The following TRIM63 variants were observed in gnomAD, a reference collection of about 807,000 sequenced individuals.
TRIM63 encodes E3 ubiquitin-protein ligase TRIM63.
TRIM63 carries 48 observed loss-of-function variants against 46.0 expected under a neutral mutation model. That is an observed-to-expected ratio of 1.04 (90% CI 0.83 to 1.33). The LOEUF (loss-of-function observed/expected upper bound fraction) is 1.33. Ranked by LOEUF, TRIM63 falls within the 40% of genes most tolerant of loss-of-function variation. TRIM63 has a pLI of 0.00. For synonymous variants in TRIM63, 175 were observed against 162.8 expected, an observed-to-expected ratio of 1.08 and a Z score of -0.57; for missense variants, 455 against 441.2, an observed-to-expected ratio of 1.03 and a Z score of -0.28.
chr1:26,061,274 G>GTT lies in TRIM63; in HGVS notation c.391_392dup (p.Asn131LysfsTer41). ...GCACCTCACACGTGAGACAGTAGAT[G>GTT]TTGATTTTCTCATCTTCGTGCTCCT... On this transcript the variant is annotated frameshift_variant, in exon 3 of 9. Coordinates refer to ENST00000374272, the MANE Select transcript of TRIM63 (RefSeq NM_032588.4). LOFTEE classifies it high-confidence loss of function. 6.2e-7 allele frequency: 1 copy of GTT among 1,614,210 alleles called. No individual in the cohort carries two copies. Among genetic ancestry groups the GTT allele is most frequent in the Non-Finnish European group, 8.5e-7 (1 of 1,180,012 alleles).
rs777532437 is a variant in TRIM63, at chr1:26,057,338, G to A, written c.855-11C>T. On this transcript the variant is annotated splice_polypyrimidine_tract_variant and intron_variant, in intron 6 of 8. Coordinates refer to ENST00000374272, the MANE Select transcript of TRIM63 (RefSeq NM_032588.4). ...GAAGCTTCCACAATGCTGCAGGGGA[G>A]ACAGAAAGAGAGGCAGGATGAGGTC... 9 of 1,613,516 alleles carry A rather than the reference G, an allele frequency of 5.6e-6. No individual in the cohort carries two copies. The highest frequency in any genetic ancestry group is 1.3e-5 in the African/African-American group (1 of 74,906).
chr1:26,056,262 T>C (rs1261190228), intron 7 of TRIM63, among the ~76,000 whole-genome samples: 2 of 152,242 alleles, frequency 1.3e-5, no homozygotes, highest in Non-Finnish European at 2.9e-5. Flanking sequence ...TTTTCACCCT[T>C]ATTATTGTTA....
Position 26,067,588 on chromosome 1 carries a change from G to A in TRIM63, c.-94C>T, listed in dbSNP as rs745881632. 103 of 1,423,274 alleles carry A rather than the reference G, an allele frequency of 7.2e-5. 2 individuals carry two copies. The highest frequency in any genetic ancestry group is 5.6e-4 in the Middle Eastern group (3 of 5,380). 88.2% of individuals were successfully genotyped at this position (1,423,274 alleles called of 1,614,324 possible). A position where few individuals can be genotyped will look rare whatever the true frequency, so the allele number is the denominator to read the frequency against. Reference sequence around the variant, plus strand: ...GGTCTTGCCTTTGTCACAAAACACCGGGTCGGATCCTGTTGGCTTCCTTCT... The same window carrying A: ...GGTCTTGCCTTTGTCACAAAACACCAGGTCGGATCCTGTTGGCTTCCTTCT... On this transcript the variant is annotated 5_prime_UTR_variant, in exon 1 of 9. Transcript: ENST00000374272.
rs139836987 is a variant in TRIM63, at chr1:26,060,741, C to G, written c.502-380G>C. On this transcript the variant is annotated intron_variant, in intron 3 of 8. Coordinates refer to ENST00000374272, the MANE Select transcript of TRIM63 (RefSeq NM_032588.4). ...AGAGAGTATGGAAAGGGGGTGGCTACGGCTTACTGCACGGACAGGGTGGTG... is the reference window on the plus strand; with the variant it reads ...AGAGAGTATGGAAAGGGGGTGGCTAGGGCTTACTGCACGGACAGGGTGGTG... Among the ~76,000 whole-genome samples, 330 of 152,286 alleles carry G rather than the reference C, an allele frequency of 2.2e-3. 1 individual carries two copies. Among genetic ancestry groups the G allele is most frequent in the Non-Finnish European group, 3.9e-3 (263 of 68,016 alleles).
intron 8 of TRIM63, among the ~76,000 whole-genome samples, chr1:26,052,199 C>G (rs972110818): frequency 6.6e-6 from 1 of 152,176 alleles, no homozygotes; most frequent in African/African-American, 2.4e-5. Context: ...CATCAGACAC[C>G]GTGCTAAACG....
intron 2 of TRIM63, among the ~76,000 whole-genome samples, chr1:26,062,850 A>G (rs369796325): frequency 4.6e-5 from 7 of 151,890 alleles, no homozygotes; most frequent in African/African-American, 1.7e-4. Flanking sequence ...TGCAAACTCC[A>G]CCTCCTGAGT....
chr1:26,065,765 G>T (rs1396833530), intron 2 of TRIM63, among the ~76,000 whole-genome samples: 8 of 152,220 alleles, frequency 5.3e-5, no homozygotes, highest in African/African-American at 1.9e-4. Flanking sequence ...TTAGCTAATT[G>T]ATTTCACTTC....
At chr1:26,054,029 C>G (rs539175408) in intron 7 of TRIM63, 65 bp from the exon 8 acceptor site, 1 of 1,234,760 alleles carries the variant, frequency 8.1e-7, no homozygotes, top group East Asian at 2.5e-5. Context: ...TGAAGAGGAA[C>G]CAGGCAAGAG....
chr1:26,061,317 C>G lies in TRIM63; in HGVS notation c.350G>C (p.Gly117Ala), dbSNP rs771401489. 6.2e-7 allele frequency: 1 copy of G among 1,614,074 alleles called. No homozygotes were observed. The highest frequency in any genetic ancestry group is 8.5e-7 in the Non-Finnish European group (1 of 1,179,952). ...GTGCTCCTTGCACATGGGGTGACTG[C>G]CCTTCTGCAGCGGCCGACTGCAGTG... ...QECSSRPLQK[G>A]SHPMCKEHED... Residue 117 changes from glycine to alanine, a missense_variant, in exon 3 of 9, where the codon GGC (glycine) becomes GCC (alanine). Gly to Ala is a moderately conservative substitution (Grantham distance 60). Transcript: ENST00000374272.
chr1:26,053,299 C>G (rs990598847), intron 8 of TRIM63, among the ~76,000 whole-genome samples: 5 of 152,152 alleles, frequency 3.3e-5, no homozygotes, highest in Non-Finnish European at 7.3e-5. Context: ...GTCACCCAGG[C>G]TGGAGTGCAG....
At chr1:26,066,626 C>T (rs909127575) in intron 1 of TRIM63, among the ~76,000 whole-genome samples, 186 bp from the exon 2 acceptor site, 32 of 152,164 alleles carry the variant, frequency 2.1e-4, no homozygotes, top group Admixed American at 1.0e-3. Context: ...GCTAAGCAAT[C>T]GTCAGGATGG....
chr1:26,058,879 C>CT (rs2050597078), intron 4 of TRIM63, among the ~76,000 whole-genome samples: 1 of 152,158 alleles, frequency 6.6e-6, no homozygotes, highest in Non-Finnish European at 1.5e-5. Context: ...AATAGAGGCT[C>CT]TAGGGTCACA....
intron 2 of TRIM63, among the ~76,000 whole-genome samples, chr1:26,064,579 G>A (rs1018407566): frequency 4.6e-5 from 7 of 152,108 alleles, no homozygotes; most frequent in South Asian, 2.1e-4. Context: ...ATGCCTTCCC[G>A]GGTTACTATG....
chr1:26,057,914 C>G (rs2050587222), intron 5 of TRIM63, among the ~76,000 whole-genome samples: 1 of 152,168 alleles, frequency 6.6e-6, no homozygotes, highest in Non-Finnish European at 1.5e-5. Flanking sequence ...AACTCCTAAA[C>G]CCTGAACTCC....
At chr1:26,061,965 G>A (rs887310574) in intron 2 of TRIM63, among the ~76,000 whole-genome samples, 1 of 152,120 alleles carries the variant, frequency 6.6e-6, no homozygotes, top group Non-Finnish European at 1.5e-5. Context: ...TTAAACAAAG[G>A]TAGAAAGAAT....
At chr1:26,063,279 A>G (rs1463381931) in intron 2 of TRIM63, among the ~76,000 whole-genome samples, 1 of 152,056 alleles carries the variant, frequency 6.6e-6, no homozygotes, top group Non-Finnish European at 1.5e-5. Context: ...CTATACACTC[A>G]TTGAAAGCCA....
At chr1:26,061,133 C>T in intron 3 of TRIM63, 33 bp downstream of exon 3, 3 of 1,605,676 alleles carry the variant, frequency 1.9e-6, no homozygotes, top group Admixed American at 1.7e-5. Context: ...CCAGCAGGCC[C>T]AGGCTGGGGG....
In TRIM63 at chr1:26,051,796, T is replaced by G; in HGVS notation, c.*77A>C. On this transcript the variant is annotated 3_prime_UTR_variant, in exon 9 of 9. Coordinates refer to ENST00000374272, the MANE Select transcript of TRIM63 (RefSeq NM_032588.4). ...GCCCCGACCCCTCCCACCCTGGGCC[T>G]GTCACCAAGGCCGCTGGGCCCCTCC... 20 of 250,238 alleles carry G rather than the reference T, an allele frequency of 8.0e-5. No homozygotes were observed. Among genetic ancestry groups the G allele is most frequent in the Non-Finnish European group, 1.5e-4 (19 of 123,198 alleles). 15.5% of individuals were successfully genotyped at this position (250,238 alleles called of 1,614,324 possible). A position where few individuals can be genotyped will look rare whatever the true frequency, so the allele number is the denominator to read the frequency against.
Position 26,067,527 on chromosome 1 carries a change from G to A in TRIM63, c.-33C>T, listed in dbSNP as rs879116355. The A allele has an allele frequency of 1.2e-6, 2 of 1,610,272 alleles. No individual in the cohort carries two copies. Among genetic ancestry groups the A allele is most frequent in the South Asian group, 2.2e-5 (2 of 90,722 alleles). On this transcript the variant is annotated 5_prime_UTR_variant, in exon 1 of 9. Transcript: ENST00000374272. ...GAAGGAATGAGAGCCACGCCTAGCTGCCTCCTCTACTAACTTTGCTCTAAG... is the reference window on the plus strand; with the variant it reads ...GAAGGAATGAGAGCCACGCCTAGCTACCTCCTCTACTAACTTTGCTCTAAG...
Sources: gnomAD v4.1 joint callset for allele counts (sites outside exome capture counted in the v4.1 genomes callset) on GRCh38, gnomAD v4.1.1 for gene constraint, MANE v1.5 for transcripts, NCBI Gene and HGNC (gene_info 2026-07-23, HGNC 2026-07-21) for gene names.